The following DYM variants were observed in gnomAD, a reference collection of about 807,000 sequenced individuals.
DYM encodes the protein dyggve-Melchior-Clausen syndrome protein.
A neutral mutation model predicts 93.1 loss-of-function variants in DYM; 78 were observed. The ratio of observed to expected loss-of-function variants is 0.84; its 90% CI spans 0.70 to 1.01. The LOEUF (loss-of-function observed/expected upper bound fraction) is 1.01, where lower values mean the gene tolerates loss of function less well. DYM is among the 50% of genes least tolerant of loss of function. DYM has a pLI of 0.00. For missense variants in DYM, 789 were observed against 845.0 expected (o/e 0.93, Z 0.82); for synonymous variants, 321 against 319.7 (o/e 1.00, Z -0.04).
At chr18:49,364,627 C>G (rs557211539) in intron 5 of DYM, among the ~76,000 whole-genome samples, 17 of 152,150 alleles carry the variant, frequency 1.1e-4, no homozygotes, top group Admixed American at 1.1e-3. Context: ...TTACTTTAAG[C>G]TGATTAATAT....
intron 17 of DYM, chr18:49,049,702 G>C (rs2072136028): frequency 6.5e-6 from 1 of 154,302 alleles, no homozygotes; most frequent in African/African-American, 2.4e-5. Context: ...CAAACCTAAA[G>C]ACTAGACATA....
chr18:49,124,997 C>T (rs1302449735), intron 15 of DYM, among the ~76,000 whole-genome samples: 1 of 152,166 alleles, frequency 6.6e-6, no homozygotes, highest in African/African-American at 2.4e-5. Flanking sequence ...CGGTGGCTCA[C>T]GCCTGTAATC....
intron 16 of DYM, among the ~76,000 whole-genome samples, chr18:49,100,751 C>T (rs1419814965): frequency 6.6e-6 from 1 of 152,054 alleles, no homozygotes; most frequent in Non-Finnish European, 1.5e-5. Context: ...CATGACAATC[C>T]CATGAGGCTG....
At chr18:49,069,938 G>A (rs2076755902) in intron 17 of DYM, among the ~76,000 whole-genome samples, 2 of 152,254 alleles carry the variant, frequency 1.3e-5, no homozygotes, top group South Asian at 4.1e-4. Context: ...CTACTCGGGA[G>A]GCTGAGGCAG....
chr18:49,302,273 A>T (rs1295791420), intron 8 of DYM, among the ~76,000 whole-genome samples: 1 of 152,198 alleles, frequency 6.6e-6, no homozygotes, highest in Non-Finnish European at 1.5e-5. Flanking sequence ...CTCTAAATAG[A>T]TACTGTTCCT....
intron 13 of DYM, among the ~76,000 whole-genome samples, chr18:49,254,281 CATATATATATATATATATATATATAT>C (rs3084549): frequency 1.2e-4 from 16 of 136,540 alleles, no homozygotes; most frequent in Admixed American, 3.7e-4. Context: ...ATCCTTGTAT[CATATATATATATATATATATATATAT>C]ATATATATAT....
chr18:49,220,516 T>C (rs896388345), intron 13 of DYM, among the ~76,000 whole-genome samples: 21 of 150,902 alleles, frequency 1.4e-4, no homozygotes, highest in Admixed American at 1.3e-3. Flanking sequence ...ACTACAAGGC[T>C]ACAGTAACCA....
Position 49,101,708 on chromosome 18 carries a change from T to G in DYM, c.1912-4193A>C, listed in dbSNP as rs116440392. On this transcript the variant is annotated intron_variant, in intron 16 of 17. Coordinates refer to ENST00000675505, the MANE Select transcript of DYM (RefSeq NM_001353214.3). ...ACATGTAAAATACATATATATTTCC[T>G]CATTGACTTGAGTTTCCCCTCAAGT... Among the ~76,000 whole-genome samples, 464 of 152,276 alleles carry G rather than the reference T, an allele frequency of 3.0e-3. 3 individuals carry two copies. Among genetic ancestry groups the G allele is most frequent in the African/African-American group, 0.01 (430 of 41,564 alleles).
chr18:49,133,951 T>C (rs983283605), intron 15 of DYM, among the ~76,000 whole-genome samples: 7 of 152,226 alleles, frequency 4.6e-5, no homozygotes, highest in Non-Finnish European at 1.0e-4. Context: ...TGTCCGATAG[T>C]AGATGATTGA....
chr18:49,254,986 A>T (rs2145083290), intron 13 of DYM, among the ~76,000 whole-genome samples: 1 of 152,356 alleles, frequency 6.6e-6, no homozygotes. Context: ...AGTTCACATT[A>T]TTCCAATGTC....
chr18:49,179,749 T>C (rs1408634279), intron 14 of DYM, among the ~76,000 whole-genome samples: 1 of 152,168 alleles, frequency 6.6e-6, no homozygotes, highest in Non-Finnish European at 1.5e-5. Flanking sequence ...TAACACGAAG[T>C]ATCTACTGCT....
intron 2 of DYM, among the ~76,000 whole-genome samples, chr18:49,406,485 T>C (rs974733314): frequency 6.6e-6 from 1 of 152,044 alleles, no homozygotes; most frequent in African/African-American, 2.4e-5. Flanking sequence ...TACTTGAACC[T>C]GGGAGACAGA....
intron 17 of DYM, among the ~76,000 whole-genome samples, chr18:49,065,042 C>G (rs2076277739): frequency 6.6e-6 from 1 of 151,990 alleles, no homozygotes; most frequent in South Asian, 2.1e-4. Context: ...AAGCATTGAA[C>G]TGTTTAAGTT....
intron 8 of DYM, among the ~76,000 whole-genome samples, chr18:49,317,678 TTCCTTCCTTC>T (rs2062110984): frequency 7.8e-6 from 1 of 128,222 alleles, no homozygotes; most frequent in African/African-American, 2.9e-5. Flanking sequence ...CCTTCCTTCC[TTCCTTCCTTC>T]CTTTCTTTCT....
intron 17 of DYM, among the ~76,000 whole-genome samples, chr18:49,063,644 T>A (rs1187926425): frequency 1.3e-4 from 14 of 103,940 alleles, no homozygotes; most frequent in African/African-American, 3.5e-4. Context: ...TTTTTTTTTT[T>A]AGACAGAGTT....
At chr18:49,288,309 T>C (rs1347393726) in intron 8 of DYM, among the ~76,000 whole-genome samples, 1 of 152,218 alleles carries the variant, frequency 6.6e-6, no homozygotes, top group Admixed American at 6.5e-5. Flanking sequence ...AATAAATAAT[T>C]AGAAAATATA....
intron 17 of DYM, among the ~76,000 whole-genome samples, chr18:49,092,702 T>C (rs2079156359): frequency 6.6e-6 from 1 of 152,206 alleles, no homozygotes; most frequent in Non-Finnish European, 1.5e-5. Context: ...GTGATGATGA[T>C]GATGATGCAA....
intron 14 of DYM, among the ~76,000 whole-genome samples, chr18:49,183,940 A>C (rs1600419692): frequency 6.6e-6 from 1 of 152,352 alleles, no homozygotes; most frequent in East Asian, 1.9e-4. Context: ...GTGAACACGC[A>C]GTGAGAAGGC....
chr18:49,242,411 C>CA (rs1300481430), intron 13 of DYM, among the ~76,000 whole-genome samples: 2 of 151,992 alleles, frequency 1.3e-5, no homozygotes, highest in African/African-American at 2.4e-5. Flanking sequence ...GACTCCGTCT[C>CA]AAAAAATAAT....
Sources: allele counts gnomAD v4.1 joint callset (sites outside exome capture counted in the v4.1 genomes callset), GRCh38; gene constraint gnomAD v4.1.1; transcripts MANE v1.5; gene names NCBI Gene and HGNC (gene_info 2026-07-23, HGNC 2026-07-21).